The following PP2D1 variants were observed in gnomAD, a reference collection of about 807,000 sequenced individuals.
PP2D1 encodes protein phosphatase 2C like domain containing 1.
In PP2D1, 25 loss-of-function variants were observed where a neutral mutation model predicts 30.2. That is an observed-to-expected ratio of 0.83 (90% confidence interval 0.60 to 1.16). PP2D1 has a LOEUF of 1.16. Among genes scored for constraint, PP2D1 ranks in the 50% most tolerant of loss-of-function variants. PP2D1 has a pLI of 0.00. For missense variants in PP2D1, 760 were observed against 742.4 expected (o/e 1.02, Z -0.28); for synonymous variants, 260 against 258.9 (o/e 1.00, Z -0.04).
chr3:20,005,161 AT>A (rs1199009128), intron 1 of PP2D1, among the ~76,000 whole-genome samples: 1 of 142,378 alleles, frequency 7.0e-6, no homozygotes, highest in Non-Finnish European at 1.6e-5. Flanking sequence ...TTTTAAATTT[AT>A]TTTTTTTGAG....
intron 1 of PP2D1, among the ~76,000 whole-genome samples, chr3:20,006,093 C>T (rs1372154874): frequency 2.6e-5 from 4 of 151,674 alleles, no homozygotes; most frequent in Non-Finnish European, 1.5e-5. Flanking sequence ...AATAGTACCC[C>T]AAAAATTAGA....
At chr3:19,982,775 A>G (rs76093457), downstream of PP2D1, among the ~76,000 whole-genome samples, 369 of 152,058 alleles carry the variant, frequency 2.4e-3, 1 homozygote, top group Non-Finnish European at 4.0e-3. Context: ...AAAAAAAAAA[A>G]AAAGAGAGCA....
At chr3:19,995,998 A>G (rs1188497917) in intron 2 of PP2D1, among the ~76,000 whole-genome samples, 1 of 152,086 alleles carries the variant, frequency 6.6e-6, no homozygotes, top group Non-Finnish European at 1.5e-5. Context: ...ATAGTAATAA[A>G]CTCCAAATAA....
chr3:19,988,492 A>G (rs991196716), intron 2 of PP2D1, among the ~76,000 whole-genome samples: 1 of 152,192 alleles, frequency 6.6e-6, no homozygotes, highest in Admixed American at 6.5e-5. Context: ...ATCAATGACA[A>G]TGCATGCCCA....
chr3:20,009,298 C>T (rs1575090243), intron 1 of PP2D1, among the ~76,000 whole-genome samples: 1 of 151,860 alleles, frequency 6.6e-6, no homozygotes, highest in African/African-American at 2.4e-5. Context: ...CCCTTCTCTA[C>T]AAAAAACTTA....
chr3:19,994,365 G>A (rs1167826757), intron 2 of PP2D1, among the ~76,000 whole-genome samples: 1 of 152,162 alleles, frequency 6.6e-6, no homozygotes, highest in Non-Finnish European at 1.5e-5. Flanking sequence ...GAAGATTAAA[G>A]CTCATCAAAG....
At chr3:19,998,769 G>A (rs114415669) in intron 2 of PP2D1, among the ~76,000 whole-genome samples, 4,016 of 151,952 alleles carry the variant, frequency 0.026, 169 homozygotes, top group African/African-American at 0.091. Context: ...ATTTTAAACA[G>A]GGAAACCTAA....
At chr3:19,983,706 AG>A, downstream of PP2D1, 1 of 1,572,302 alleles carries the variant, frequency 6.4e-7, no homozygotes, top group Non-Finnish European at 8.7e-7. Context: ...ATTTTCTTTC[AG>A]CTAAAAAATT....
chr3:20,010,565 G>A (rs1364553439), intron 1 of PP2D1, among the ~76,000 whole-genome samples: 1 of 151,752 alleles, frequency 6.6e-6, no homozygotes, highest in African/African-American at 2.4e-5. Context: ...ACTTTGGGAG[G>A]CCGAGGCAGG....
downstream of PP2D1, chr3:19,984,167 A>C (rs1322218922): frequency 2.6e-3 from 841 of 320,600 alleles, 5 homozygotes; most frequent in Non-Finnish European, 3.9e-3. Context: ...TACAGTAGTC[A>C]CCTGTGAAAA....
In PP2D1 at chr3:19,986,158, C is replaced by G. The variant is rs1050446176; in HGVS notation, c.1115G>C (p.Arg372Thr). 3 of 1,505,214 alleles carry G rather than the reference C, an allele frequency of 2.0e-6. No individual in the cohort carries two copies. The highest frequency in any genetic ancestry group is 2.6e-6 in the Non-Finnish European group (3 of 1,133,922). 93.2% of individuals were successfully genotyped at this position (1,505,214 alleles called of 1,614,324 possible). Residue 372 changes from arginine (R) to threonine (T), a missense_variant, in exon 3 of 3, where the codon AGA (arginine) becomes ACA (threonine). This residue lies in a region of PP2D1 where 369 missense variants were observed against 316.2 expected (regional missense o/e 1.17). Coordinates refer to ENST00000389050, the MANE Select transcript of PP2D1 (RefSeq NM_001252657.2). Reference protein sequence around the residue: ...NTGNVQAVLCRNGKGFCLTKE... With the variant: ...NTGNVQAVLCTNGKGFCLTKE... ...GGTTAGGCAAAAACCTTTCCCATTTCTGCATAAGACTGCTTGCACATTACC... is the reference window on the plus strand; with the variant it reads ...GGTTAGGCAAAAACCTTTCCCATTTGTGCATAAGACTGCTTGCACATTACC...
At chr3:20,004,307 G>A (rs1311751818) in intron 1 of PP2D1, among the ~76,000 whole-genome samples, 1 of 152,202 alleles carries the variant, frequency 6.6e-6, no homozygotes, top group Non-Finnish European at 1.5e-5. Flanking sequence ...CCAGGTGTTA[G>A]TAGGCTGCAC....
At chr3:20,004,684 C>T (rs898009797) in intron 1 of PP2D1, among the ~76,000 whole-genome samples, 2 of 151,960 alleles carry the variant, frequency 1.3e-5, no homozygotes, top group Admixed American at 6.6e-5. Context: ...GTACTGTACT[C>T]GGCACCTGGG....
chr3:19,985,220 A>C (rs1403053775), downstream of PP2D1: 5 of 581,080 alleles, frequency 8.6e-6, no homozygotes, highest in Non-Finnish European at 1.2e-5. Context: ...AAAACAGTGA[A>C]TATATATAAA....
intron 1 of PP2D1, 35 bp downstream of exon 1, chr3:20,012,015 T>G (rs754687562): frequency 2.4e-5 from 36 of 1,475,266 alleles, no homozygotes; most frequent in Non-Finnish European, 3.3e-5. Flanking sequence ...TCATTGGCTA[T>G]ACGTATTATC....
intron 2 of PP2D1, among the ~76,000 whole-genome samples, chr3:19,993,823 T>C (rs1290468279): frequency 1.3e-5 from 2 of 152,110 alleles, no homozygotes; most frequent in Admixed American, 6.5e-5. Flanking sequence ...CACTGCAACC[T>C]CTACCTCCCA....
chr3:20,001,034 G>A lies in PP2D1; in HGVS notation c.1086C>T (p.Asn362=). 7.2e-7 allele frequency: 1 copy of A among 1,392,802 alleles called. No individual in the cohort carries two copies. The highest frequency in any genetic ancestry group is 1.4e-5 in the African/African-American group (1 of 69,492). 86.3% of individuals were successfully genotyped at this position (1,392,802 alleles called of 1,614,324 possible). Reference sequence around the variant, plus strand: ...GGTGCTATTCAATGTACATACCAGTGTTTGCAACATGTAATATTCCAGAAA... The same window carrying A: ...GGTGCTATTCAATGTACATACCAGTATTTGCAACATGTAATATTCCAGAAA... ...KIISGILHVA[N]TGNVQAVLCR... is the part of the protein sequence containing the mutation. The change falls in exon 2 of 3, where the codon AAC becomes AAT. Residue 362 remains asparagine, a synonymous_variant. Transcript: ENST00000389050.
chr3:19,996,447 G>A (rs1305322507), intron 2 of PP2D1, among the ~76,000 whole-genome samples: 2 of 152,058 alleles, frequency 1.3e-5, no homozygotes, highest in African/African-American at 2.4e-5. Flanking sequence ...GTAATAAAAA[G>A]TCCCCCAAAT....
Position 19,985,623 on chromosome 3 carries a change from T to C in PP2D1, c.1650A>G (p.Val550=), listed in dbSNP as rs1697018529. 1 of 1,535,856 alleles carries C rather than the reference T, an allele frequency of 6.5e-7. No homozygotes were observed. The highest frequency in any genetic ancestry group is 1.4e-5 in the African/African-American group (1 of 73,048). Residue 550 remains valine (V), a synonymous_variant, in exon 3 of 3, where the codon GTA becomes GTG. Transcript: ENST00000389050. ...SKYCIYNPEN[V]ETFPAETTHR... ...GAGTCGTTTCTGCTGGAAATGTTTC[T>C]ACATTCTCAGGGTTATAAATACAGT... is the stretch of plus-strand genomic sequence containing the variant.
Sources: allele counts gnomAD v4.1 joint callset (sites outside exome capture counted in the v4.1 genomes callset), GRCh38; gene constraint gnomAD v4.1.1; regional missense constraint gnomAD v4.1.1; transcripts MANE v1.5; gene names NCBI Gene and HGNC (gene_info 2026-07-23, HGNC 2026-07-21).